The following KAT6B variants were observed in gnomAD, a reference collection of about 807,000 sequenced individuals.
KAT6B encodes histone acetyltransferase KAT6B.
In KAT6B, 10 loss-of-function variants were observed where a neutral mutation model predicts 187.5. The observed-to-expected ratio is 0.05, with a 90% CI of 0.03 to 0.09. The LOEUF is 0.09. Among genes scored for constraint, KAT6B ranks in the 10% least tolerant of loss-of-function variants. The probability of loss-of-function intolerance (pLI) is 1.00; values close to 1 mark genes in which losing one functional copy is unlikely to be tolerated. For synonymous variants in KAT6B, 861 were observed against 926.8 expected (o/e 0.93, Z 1.29); for missense variants, 1,952 against 2,558.9 (o/e 0.76, Z 5.12).
intron 3 of KAT6B, among the ~76,000 whole-genome samples, chr10:74,906,075 G>GA (rs1179776301): frequency 2.0e-5 from 3 of 152,002 alleles, no homozygotes; most frequent in African/African-American, 7.2e-5. Flanking sequence ...TGAAAAATAG[G>GA]AAAAAATATA....
chr10:74,950,630 G>A (rs1186461098), intron 3 of KAT6B, among the ~76,000 whole-genome samples: 2 of 152,038 alleles, frequency 1.3e-5, no homozygotes, highest in African/African-American at 2.4e-5. Context: ...TGGGTTAAGT[G>A]GCAAGAAATA....
chr10:75,000,578 T>G (rs1471325965), intron 13 of KAT6B, among the ~76,000 whole-genome samples: 1 of 152,112 alleles, frequency 6.6e-6, no homozygotes, highest in African/African-American at 2.4e-5. Context: ...ACGTCTATAG[T>G]TTTTAGAGAC....
chr10:74,968,535 C>CA (rs1841636675), intron 4 of KAT6B, among the ~76,000 whole-genome samples: 1 of 152,046 alleles, frequency 6.6e-6, no homozygotes, highest in Non-Finnish European at 1.5e-5. Flanking sequence ...TTTTTGGCAG[C>CA]AATCCAAAAT....
intron 13 of KAT6B, among the ~76,000 whole-genome samples, chr10:75,015,452 C>T (rs1343546007): frequency 1.3e-5 from 2 of 152,108 alleles, no homozygotes; most frequent in African/African-American, 4.8e-5. Flanking sequence ...AAAATTTAAA[C>T]GAGGAGATAT....
At chr10:74,853,593 CTTTTAT>C (rs1175090759) in intron 3 of KAT6B, among the ~76,000 whole-genome samples, 1 of 144,816 alleles carries the variant, frequency 6.9e-6, no homozygotes, top group Admixed American at 7.0e-5. Context: ...CGTGCTCAGC[CTTTTAT>C]TTTTAATATA....
chr10:74,989,008 CCTT>C lies in KAT6B; in HGVS notation c.2536-9_2536-7del, dbSNP rs780458999. On this transcript the variant is annotated splice_polypyrimidine_tract_variant and splice_region_variant and intron_variant, in intron 12 of 17. Coordinates refer to ENST00000287239, the MANE Select transcript of KAT6B (RefSeq NM_012330.4). ...GCTCTGACATACTTGATCTGTTTCTCCTTCCCTCAGGAAAAGCTTTGCCAGCAG... is the reference window on the plus strand; with the variant it reads ...GCTCTGACATACTTGATCTGTTTCTCCCCTCAGGAAAAGCTTTGCCAGCAG... The C allele has an allele frequency of 5.0e-6, 8 of 1,594,732 alleles. No individual in the cohort carries two copies. The highest frequency in any genetic ancestry group is 1.7e-4 in the Middle Eastern group (1 of 6,032).
chr10:74,863,889 A>G (rs1366147592), intron 3 of KAT6B, among the ~76,000 whole-genome samples: 2 of 152,218 alleles, frequency 1.3e-5, no homozygotes, highest in African/African-American at 4.8e-5. Flanking sequence ...TGTAGACATT[A>G]TCTGTTGACT....
chr10:74,969,266 GT>G (rs1387563718), intron 4 of KAT6B, among the ~76,000 whole-genome samples: 8 of 152,268 alleles, frequency 5.3e-5, no homozygotes, highest in African/African-American at 1.9e-4. Context: ...AGCAGGAATT[GT>G]TTGAACTTTG....
At chr10:74,974,715 G>A (rs758849514) in intron 7 of KAT6B, among the ~76,000 whole-genome samples, 2 of 152,262 alleles carry the variant, frequency 1.3e-5, no homozygotes, top group East Asian at 1.9e-4. Context: ...TGTCTGACCC[G>A]CTGTAGCTTT....
chr10:74,890,360 C>T (rs939606373), intron 3 of KAT6B, among the ~76,000 whole-genome samples: 4 of 151,984 alleles, frequency 2.6e-5, no homozygotes, highest in African/African-American at 4.8e-5. Flanking sequence ...CACAGGAGGC[C>T]GGGTGTGGTG....
At chr10:74,979,608 G>C (rs1294343012) in intron 10 of KAT6B, among the ~76,000 whole-genome samples, 1 of 150,586 alleles carries the variant, frequency 6.6e-6, no homozygotes, top group Non-Finnish European at 1.5e-5. Context: ...GTTAATTGGG[G>C]AAATGTTGGT....
chr10:74,989,510 A>T (rs989608969), intron 13 of KAT6B, among the ~76,000 whole-genome samples: 2 of 152,272 alleles, frequency 1.3e-5, no homozygotes, highest in Non-Finnish European at 2.9e-5. Flanking sequence ...TGTACAGTAC[A>T]AAGCAGAAAA....
chr10:75,010,313 C>T (rs555255156), intron 13 of KAT6B, among the ~76,000 whole-genome samples: 1 of 152,326 alleles, frequency 6.6e-6, no homozygotes, highest in South Asian at 2.1e-4. Flanking sequence ...ACATTTCCAA[C>T]AGTGGTTGAT....
At chr10:74,826,980 C>T (rs1321732890) in intron 1 of KAT6B, among the ~76,000 whole-genome samples, 195 bp downstream of exon 1, 1 of 145,426 alleles carries the variant, frequency 6.9e-6, no homozygotes, top group African/African-American at 2.6e-5. Context: ...GGACAGGCCC[C>T]GCCCCTCGGC....
intron 13 of KAT6B, among the ~76,000 whole-genome samples, chr10:75,001,040 A>G (rs1033701625): frequency 6.6e-6 from 1 of 152,010 alleles, no homozygotes; most frequent in Non-Finnish European, 1.5e-5. Flanking sequence ...TTTAGAAATG[A>G]TACTCCCCTC....
At chr10:74,969,516 C>T (rs1841710868) in intron 4 of KAT6B, 144 bp from the exon 5 acceptor site, 3 of 670,712 alleles carry the variant, frequency 4.5e-6, no homozygotes, top group East Asian at 2.8e-5. Context: ...ATCTGTAATT[C>T]GGATTCTCTG....
chr10:74,934,052 G>A (rs1849060321), intron 3 of KAT6B, among the ~76,000 whole-genome samples: 1 of 151,956 alleles, frequency 6.6e-6, no homozygotes, highest in African/African-American at 2.4e-5. Flanking sequence ...TGGGCGTGGT[G>A]GCAGGTACCT....
intron 3 of KAT6B, among the ~76,000 whole-genome samples, chr10:74,955,215 GA>G (rs1177113238): frequency 6.6e-6 from 1 of 151,984 alleles, no homozygotes; most frequent in African/African-American, 2.4e-5. Flanking sequence ...ATAATGAGAA[GA>G]AAAAAACATA....
chr10:74,908,480 C>T (rs903444336), intron 3 of KAT6B, among the ~76,000 whole-genome samples: 7 of 150,674 alleles, frequency 4.6e-5, no homozygotes, highest in Non-Finnish European at 8.8e-5. Flanking sequence ...ATCGCTTGAA[C>T]CTGGGAGGCG....
Sources: gnomAD v4.1 joint callset for allele counts (sites outside exome capture counted in the v4.1 genomes callset) on GRCh38, gnomAD v4.1.1 for gene constraint, MANE v1.5 for transcripts, NCBI Gene and HGNC (gene_info 2026-07-23, HGNC 2026-07-21) for gene names.